CCDC88A: variants seen among roughly 807,000 people sequenced by gnomAD.
CCDC88A encodes coiled-coil and HOOK domain protein 88A.
Under a neutral mutation model 234.3 loss-of-function variants are expected in CCDC88A, and 54 were observed. The ratio of observed to expected loss-of-function variants is 0.23; its 90% CI spans 0.19 to 0.29. The LOEUF is 0.29. CCDC88A is among the 10% of genes least tolerant of loss of function. CCDC88A has a pLI of 1.00. For synonymous variants in CCDC88A, 753 were observed against 737.8 expected (o/e 1.02, Z -0.33); for missense variants, 1,832 against 2,123.4 (o/e 0.86, Z 2.70).
At chr2:55,401,449 T>A (rs1439258059) in intron 2 of CCDC88A, among the ~76,000 whole-genome samples, 25,868 of 35,044 alleles carry the variant, frequency 0.74, 10,629 homozygotes, top group African/African-American at 0.78. Flanking sequence ...AAAAAAAAAA[T>A]ATATATATAT....
chr2:55,414,433 C>T (rs1681011160), intron 2 of CCDC88A, among the ~76,000 whole-genome samples: 1 of 152,200 alleles, frequency 6.6e-6, no homozygotes, highest in South Asian at 2.1e-4. Flanking sequence ...TAGGAAAATG[C>T]CCTACAGCGT....
intron 23 of CCDC88A, 52 bp downstream of exon 23, chr2:55,312,382 T>C (rs1558647696): frequency 6.5e-7 from 1 of 1,531,820 alleles, no homozygotes; most frequent in Non-Finnish European, 9.0e-7. Context: ...GGTATGGCAA[T>C]GATAAAATCA....
chr2:55,322,933 C>G, intron 17 of CCDC88A: 1 of 306,298 alleles, frequency 3.3e-6, no homozygotes, highest in Admixed American at 4.9e-5. Context: ...GTTTGTCGTG[C>G]AAATGCCCCT....
At chr2:55,380,914 C>G (rs531658912) in intron 3 of CCDC88A, among the ~76,000 whole-genome samples, 48 of 152,318 alleles carry the variant, frequency 3.2e-4, no homozygotes, top group African/African-American at 1.1e-3. Context: ...CTGGGCCCAG[C>G]CAACCACAGT....
intron 18 of CCDC88A, among the ~76,000 whole-genome samples, chr2:55,320,364 T>C (rs1019980665): frequency 1.1e-4 from 16 of 152,112 alleles, no homozygotes; most frequent in African/African-American, 3.9e-4. Flanking sequence ...TGAGAGGGTA[T>C]CTTAGAGCAG....
intron 5 of CCDC88A, among the ~76,000 whole-genome samples, chr2:55,368,993 T>C (rs1672413944): frequency 6.6e-6 from 1 of 152,176 alleles, no homozygotes; most frequent in South Asian, 2.1e-4. Flanking sequence ...GGTCACACAT[T>C]TTATATTATT....
Position 55,295,616 on chromosome 2 carries a change from G to A in CCDC88A, c.5532C>T (p.Ser1844=). ...ACTCACTAGATGCTGCAGTGGTGTT[G>A]CTGTCAGCAGCAGCTGGTGGTGAAT... ...SVDSPPAAAD[S]NTTAASNVDK... is the part of the protein sequence containing the mutation. Residue 1844 remains serine (S), a synonymous_variant, in exon 31 of 33, where the codon AGC becomes AGT. Coordinates refer to ENST00000436346, the MANE Select transcript of CCDC88A (RefSeq NM_001365480.1). The A allele has an allele frequency of 6.2e-7, 1 of 1,614,146 alleles. No homozygotes were observed. Among genetic ancestry groups the A allele is most frequent in the Non-Finnish European group, 8.5e-7 (1 of 1,179,994 alleles).
chr2:55,340,164 A>T (rs969367805), intron 12 of CCDC88A: 2 of 152,236 alleles, frequency 1.3e-5, no homozygotes, highest in African/African-American at 2.4e-5. Flanking sequence ...CATTCTAGTT[A>T]AAAAAAGCAT....
At chr2:55,365,001 T>C (rs940796226) in intron 5 of CCDC88A, among the ~76,000 whole-genome samples, 1 of 152,194 alleles carries the variant, frequency 6.6e-6, no homozygotes, top group Non-Finnish European at 1.5e-5. Flanking sequence ...ATCATGAAAC[T>C]TATAAGGCTC....
chr2:55,397,167 T>G (rs1677750274), intron 2 of CCDC88A: 1 of 152,130 alleles, frequency 6.6e-6, no homozygotes. Context: ...CTCAGCTCAA[T>G]GCAACCGCTC....
chr2:55,401,679 T>C (rs1050004612), intron 2 of CCDC88A, among the ~76,000 whole-genome samples: 23 of 151,420 alleles, frequency 1.5e-4, no homozygotes, highest in African/African-American at 5.3e-4. Context: ...GAACTTCACA[T>C]TGACTGAACA....
chr2:55,335,054 G>C lies in CCDC88A; in HGVS notation c.1767C>G (p.Asn589Lys). ...EARVKDIEKE[N>K]KILHESIKET... ...CTTTGATAGATTCATGAAGAATTTT[G>C]TTTTCTTTTTCAATGTCTTTCACTC... The change falls in exon 15 of 33, where the codon AAC becomes AAG. Residue 589 changes from asparagine (N) to lysine (K), a missense_variant. Coordinates refer to ENST00000436346, the MANE Select transcript of CCDC88A (RefSeq NM_001365480.1). This position sits in a 1 kb window ranked among gnomAD's most constrained non-coding sequence, Gnocchi z 4.5. 1 of 1,611,086 alleles carries C rather than the reference G, an allele frequency of 6.2e-7. No individual in the cohort carries two copies. The highest frequency in any genetic ancestry group is 8.5e-7 in the Non-Finnish European group (1 of 1,178,364).
At chr2:55,411,308 A>G (rs1387879029) in intron 2 of CCDC88A, among the ~76,000 whole-genome samples, 1 of 152,138 alleles carries the variant, frequency 6.6e-6, no homozygotes, top group African/African-American at 2.4e-5. Context: ...ATTAAGAGAA[A>G]ATTTTCAGTT....
intron 15 of CCDC88A, among the ~76,000 whole-genome samples, chr2:55,333,267 T>C (rs996282777): frequency 3.9e-5 from 6 of 152,196 alleles, no homozygotes; most frequent in African/African-American, 1.4e-4. Flanking sequence ...TACTTTTAAA[T>C]TGAACTTAAA....
At chr2:55,401,868 A>G (rs1049892642) in intron 2 of CCDC88A, among the ~76,000 whole-genome samples, 2 of 152,138 alleles carry the variant, frequency 1.3e-5, no homozygotes, top group South Asian at 2.1e-4. Flanking sequence ...ATATTCACTG[A>G]TTTAACAAAC....
chr2:55,414,758 G>GA (rs1681069312), intron 2 of CCDC88A, among the ~76,000 whole-genome samples: 1 of 152,032 alleles, frequency 6.6e-6, no homozygotes, highest in Non-Finnish European at 1.5e-5. Flanking sequence ...CATTTTAGAT[G>GA]AAAAAACTTA....
intron 2 of CCDC88A, among the ~76,000 whole-genome samples, chr2:55,411,798 A>AAC (rs55807835): frequency 0.69 from 83,177 of 120,126 alleles, 29,976 homozygotes; most frequent in Non-Finnish European, 0.75. Context: ...AAAAAAAAAA[A>AAC]AAAAACTCAA....
intron 31 of CCDC88A, chr2:55,294,498 T>C (rs765537803): frequency 4.4e-5 from 41 of 934,600 alleles, no homozygotes; most frequent in Non-Finnish European, 5.0e-5. Context: ...AATTATTAAC[T>C]ATTTCTTTAA....
intron 2 of CCDC88A, among the ~76,000 whole-genome samples, chr2:55,413,234 T>A (rs1680790346): frequency 6.6e-6 from 1 of 151,816 alleles, no homozygotes; most frequent in Non-Finnish European, 1.5e-5. Flanking sequence ...ACAAAAAAAC[T>A]AAGCTGTGAA....
Sources: allele counts gnomAD v4.1 joint callset (sites outside exome capture counted in the v4.1 genomes callset), GRCh38; gene constraint gnomAD v4.1.1; non-coding constraint Gnocchi (gnomAD v3.1); transcripts MANE v1.5; gene names NCBI Gene and HGNC (gene_info 2026-07-23, HGNC 2026-07-21).